The following CFAP20DC variants were observed in gnomAD, a reference collection of about 807,000 sequenced individuals.
CFAP20DC encodes protein CFAP20DC.
In CFAP20DC, 84 loss-of-function variants were observed where a neutral mutation model predicts 101.7. That is an observed-to-expected ratio of 0.83 (90% CI 0.69 to 0.99). The LOEUF is 0.99. Ranked by LOEUF, CFAP20DC falls within the 50% of genes least tolerant of loss-of-function variation. CFAP20DC has a pLI of 0.00. For missense variants in CFAP20DC, 1,007 were observed against 970.3 expected (o/e 1.04, Z -0.50); for synonymous variants, 359 against 351.2 (o/e 1.02, Z -0.25).
chr3:58,996,601 C>G (rs1361702292), intron 4 of CFAP20DC, among the ~76,000 whole-genome samples: 2 of 152,174 alleles, frequency 1.3e-5, no homozygotes, highest in African/African-American at 4.8e-5. Flanking sequence ...CCTACTATAT[C>G]CTGGGCCAGG....
chr3:58,829,778 C>A (rs1338693759), intron 14 of CFAP20DC, among the ~76,000 whole-genome samples: 1 of 152,146 alleles, frequency 6.6e-6, no homozygotes, highest in East Asian at 1.9e-4. Context: ...GCGATGAGAA[C>A]ACTGTATCCA....
chr3:59,045,928 T>C (rs1031960732), intron 3 of CFAP20DC, among the ~76,000 whole-genome samples: 16 of 152,136 alleles, frequency 1.1e-4, no homozygotes, highest in African/African-American at 3.6e-4. Flanking sequence ...ACAAAGCTCC[T>C]GGCACATAGT....
At chr3:58,866,353 A>G (rs2079689036) in intron 11 of CFAP20DC, among the ~76,000 whole-genome samples, 1 of 152,200 alleles carries the variant, frequency 6.6e-6, no homozygotes, top group East Asian at 1.9e-4. Context: ...TCTGAACAGG[A>G]TGACCAGTGC....
intron 3 of CFAP20DC, among the ~76,000 whole-genome samples, chr3:58,725,668 T>C (rs1349799116): frequency 6.6e-6 from 1 of 152,202 alleles, no homozygotes; most frequent in Non-Finnish European, 1.5e-5. Context: ...GCTGGTTGGC[T>C]GAGTCATTGT....
intron 16 of CFAP20DC, 188 bp downstream of exon 16, chr3:58,753,575 GTTTCTC>G (rs2068718256): frequency 2.0e-6 from 1 of 510,672 alleles, no homozygotes; most frequent in Non-Finnish European, 3.4e-6. Flanking sequence ...AACAAGGGTA[GTTTCTC>G]TCATCTTCTT....
chr3:58,955,854 C>A (rs1412840116), intron 4 of CFAP20DC, among the ~76,000 whole-genome samples: 2 of 151,480 alleles, frequency 1.3e-5, no homozygotes, highest in Non-Finnish European at 2.9e-5. Flanking sequence ...ACCAGCTCAG[C>A]AGCAGTAGGA....
chr3:59,025,995 A>C (rs1354199135), intron 4 of CFAP20DC, among the ~76,000 whole-genome samples: 1 of 152,172 alleles, frequency 6.6e-6, no homozygotes, highest in Non-Finnish European at 1.5e-5. Context: ...CAGCTGATTT[A>C]TATACCTACC....
intron 7 of CFAP20DC, among the ~76,000 whole-genome samples, chr3:58,875,720 C>T (rs2108577128): frequency 6.6e-6 from 1 of 152,106 alleles, no homozygotes; most frequent in East Asian, 1.9e-4. Context: ...CCCAGCTTAG[C>T]CTATTGTAGA....
At chr3:58,852,350 T>C (rs1037590734) in intron 12 of CFAP20DC, among the ~76,000 whole-genome samples, 2 of 151,600 alleles carry the variant, frequency 1.3e-5, no homozygotes, top group Admixed American at 1.3e-4. Context: ...AAGTCCTGAG[T>C]GACCTACAAA....
chr3:58,964,014 G>C lies in CFAP20DC; in HGVS notation c.279-26252C>G, dbSNP rs949403457. ...CTAAGGCCATCTAGGCAAGGGTTAA[G>C]TTATGCACTATTACACTTAAAGAAT... On this transcript the variant is annotated intron_variant, in intron 4 of 16. Coordinates refer to ENST00000482387, the MANE Select transcript of CFAP20DC (RefSeq NM_001394063.1). This position sits in a 1 kb window ranked among gnomAD's most constrained non-coding sequence, Gnocchi z 4.1. Among the ~76,000 whole-genome samples the C allele has an allele frequency of 6.6e-6, 1 of 152,220 alleles. No individual in the cohort carries two copies. The highest frequency in any genetic ancestry group is 2.1e-4 in the South Asian group (1 of 4,828).
At chr3:58,743,465 G>C (rs1381947374) in intron 16 of CFAP20DC, among the ~76,000 whole-genome samples, 2 of 152,112 alleles carry the variant, frequency 1.3e-5, no homozygotes, top group Non-Finnish European at 2.9e-5. Flanking sequence ...CAGGTAGAAA[G>C]AGGTAATAAG....
At chr3:58,931,452 A>C (rs1413169647) in intron 5 of CFAP20DC, among the ~76,000 whole-genome samples, 9 of 151,498 alleles carry the variant, frequency 5.9e-5, no homozygotes, top group Non-Finnish European at 1.3e-4. Flanking sequence ...GAGATCTAAG[A>C]ACGGGCAGAC....
chr3:58,992,350 A>G (rs879892766), intron 4 of CFAP20DC, among the ~76,000 whole-genome samples: 6 of 152,234 alleles, frequency 3.9e-5, no homozygotes, highest in Non-Finnish European at 5.9e-5. Flanking sequence ...GTATGTGATC[A>G]CTGGGCTCAT....
intron 6 of CFAP20DC, among the ~76,000 whole-genome samples, chr3:58,908,244 T>C (rs910364394): frequency 1.3e-5 from 2 of 152,182 alleles, no homozygotes; most frequent in Non-Finnish European, 2.9e-5. Flanking sequence ...TCCATAATTA[T>C]ACATAGTAGC....
intron 4 of CFAP20DC, among the ~76,000 whole-genome samples, chr3:59,030,128 A>T (rs1195425052): frequency 1.3e-5 from 2 of 152,218 alleles, no homozygotes; most frequent in African/African-American, 4.8e-5. Flanking sequence ...CCATTCTGAC[A>T]ATGAAAAATT....
At chr3:59,012,199 G>A (rs1208935456) in intron 4 of CFAP20DC, among the ~76,000 whole-genome samples, 3 of 152,122 alleles carry the variant, frequency 2.0e-5, no homozygotes, top group South Asian at 2.1e-4. Context: ...GAAGAGTCAC[G>A]GAACGCCTTA....
At chr3:58,996,471 A>T (rs543978191) in intron 4 of CFAP20DC, among the ~76,000 whole-genome samples, 135 of 152,364 alleles carry the variant, frequency 8.9e-4, no homozygotes, top group Non-Finnish European at 1.5e-3. Context: ...AAATAGATGT[A>T]TAATGTATGA....
intron 3 of CFAP20DC, among the ~76,000 whole-genome samples, chr3:59,045,589 T>G (rs1267366746): frequency 6.6e-6 from 1 of 152,098 alleles, no homozygotes; most frequent in African/African-American, 2.4e-5. Context: ...CTGCGTTATC[T>G]CTCAGGGTTT....
At chr3:59,023,759 A>G (rs2093845031) in intron 4 of CFAP20DC, among the ~76,000 whole-genome samples, 4 of 152,272 alleles carry the variant, frequency 2.6e-5, no homozygotes, top group South Asian at 2.1e-4. Context: ...AAGTAAAAAC[A>G]AATGTTAGAG....
Sources: gnomAD v4.1 joint callset for allele counts (sites outside exome capture counted in the v4.1 genomes callset) on GRCh38, gnomAD v4.1.1 for gene constraint, Gnocchi (gnomAD v3.1) non-coding constraint, MANE v1.5 for transcripts, NCBI Gene and HGNC (gene_info 2026-07-23, HGNC 2026-07-21) for gene names.